The following TAF1B variants were observed in gnomAD, a reference collection of about 807,000 sequenced individuals.
TAF1B encodes the protein TATA box-binding protein-associated factor RNA polymerase I subunit B.
In TAF1B, 61 loss-of-function variants were observed where a neutral mutation model predicts 83.9. The observed-to-expected ratio is 0.73, with a 90% confidence interval of 0.59 to 0.90. The LOEUF is 0.90. TAF1B is among the 40% of genes least tolerant of loss of function. The probability of loss-of-function intolerance (pLI) is 0.00; values close to 1 mark genes in which losing one functional copy is unlikely to be tolerated. For synonymous variants in TAF1B, 221 were observed against 224.6 expected (o/e 0.98, Z 0.14); for missense variants, 625 against 677.0 (o/e 0.92, Z 0.85).
chr2:9,920,641 T>C (rs1325771009), intron 14 of TAF1B, among the ~76,000 whole-genome samples: 1 of 151,956 alleles, frequency 6.6e-6, no homozygotes, highest in Non-Finnish European at 1.5e-5. Context: ...CAAGGTGCTG[T>C]GTCGTTTTTC....
intron 13 of TAF1B, 57 bp downstream of exon 13, chr2:9,919,168 A>C: frequency 7.0e-7 from 1 of 1,430,494 alleles, no homozygotes; most frequent in Admixed American, 1.8e-5. Context: ...AGAAAAATTA[A>C]ATATCTGGAC....
chr2:9,889,696 T>C (rs1437611797), intron 8 of TAF1B, among the ~76,000 whole-genome samples: 1 of 152,202 alleles, frequency 6.6e-6, no homozygotes, highest in African/African-American at 2.4e-5. Context: ...TTTTTTGTTC[T>C]AGTGTATAAT....
chr2:9,861,778 T>G (rs1387649435), intron 5 of TAF1B, among the ~76,000 whole-genome samples: 1 of 152,232 alleles, frequency 6.6e-6, no homozygotes, highest in Non-Finnish European at 1.5e-5. Context: ...CAGCAGCATT[T>G]GCGGTTCACC....
intron 13 of TAF1B, 149 bp downstream of exon 13, chr2:9,919,260 T>G: frequency 1.5e-6 from 1 of 670,602 alleles, no homozygotes; most frequent in South Asian, 1.9e-5. Flanking sequence ...AGCATCATAC[T>G]CTGCAAGAAA....
chr2:9,920,043 G>T (rs1162982835), intron 14 of TAF1B, among the ~76,000 whole-genome samples: 3 of 152,216 alleles, frequency 2.0e-5, no homozygotes, highest in African/African-American at 7.2e-5. Flanking sequence ...TTAACCTGCA[G>T]TGTGGCAGGC....
chr2:9,850,759 C>T (rs1391553082), intron 3 of TAF1B, among the ~76,000 whole-genome samples: 1 of 152,170 alleles, frequency 6.6e-6, no homozygotes. Context: ...TTTCCTTCAG[C>T]TCGTAGTTGT....
intron 2 of TAF1B, among the ~76,000 whole-genome samples, chr2:9,848,496 G>C (rs1311867223): frequency 1.3e-5 from 2 of 151,976 alleles, no homozygotes; most frequent in East Asian, 3.9e-4. Context: ...GAGAAACCTC[G>C]TCTCTACTAA....
intron 12 of TAF1B, 68 bp downstream of exon 12, chr2:9,913,317 C>A: frequency 1.5e-6 from 2 of 1,322,968 alleles, no homozygotes; most frequent in Non-Finnish European, 2.2e-6. Flanking sequence ...CATTTGAAAG[C>A]TGAAGCTTCA....
intron 8 of TAF1B, among the ~76,000 whole-genome samples, chr2:9,887,770 A>AT (rs1452933630): frequency 2.0e-5 from 3 of 151,992 alleles, no homozygotes; most frequent in African/African-American, 7.2e-5. Flanking sequence ...CCATCTTGCT[A>AT]TTACATGTCT....
intron 6 of TAF1B, chr2:9,868,790 G>A (rs1363975878): frequency 4.5e-6 from 2 of 446,838 alleles, no homozygotes; most frequent in Non-Finnish European, 4.5e-6. Context: ...TAGTAAAATA[G>A]ACAAAGATGG....
At chr2:9,852,588 T>G (rs948679150) in intron 4 of TAF1B, among the ~76,000 whole-genome samples, 13 of 152,124 alleles carry the variant, frequency 8.5e-5, no homozygotes, top group African/African-American at 3.1e-4. Context: ...ACCTCCCGTG[T>G]TCAAGCAATT....
chr2:9,880,936 G>A (rs72782642), intron 7 of TAF1B, among the ~76,000 whole-genome samples: 4,580 of 152,056 alleles, frequency 0.03, 120 homozygotes, highest in Non-Finnish European at 0.047. Flanking sequence ...TCATATAAAC[G>A]AAATATACTA....
chr2:9,921,591 C>A (rs1207394391), intron 14 of TAF1B, among the ~76,000 whole-genome samples: 1 of 152,132 alleles, frequency 6.6e-6, no homozygotes, highest in African/African-American at 2.4e-5. Flanking sequence ...TTTTCCAAGT[C>A]CACTTGAAGA....
At chr2:9,859,070 A>G (rs978903437) in intron 5 of TAF1B, among the ~76,000 whole-genome samples, 1 of 152,176 alleles carries the variant, frequency 6.6e-6, no homozygotes, top group Non-Finnish European at 1.5e-5. Flanking sequence ...GAAATATTCC[A>G]AACTTCTATG....
At chr2:9,933,311 A>G (rs753604898) in intron 14 of TAF1B, among the ~76,000 whole-genome samples, 7 of 152,234 alleles carry the variant, frequency 4.6e-5, no homozygotes, top group Non-Finnish European at 1.0e-4. Context: ...CTATTTTAAA[A>G]TAATGGAAAT....
Position 9,843,578 on chromosome 2 carries a change from T to C in TAF1B, c.18+19T>C, listed in dbSNP as rs753831048. ...GGAGGCGGTAAGGAGGCGGTGCACC[T>C]GGCGGGCCACGATCGCCGGGGCCGG... On this transcript the variant is annotated intron_variant, in intron 1 of 14. Transcript: ENST00000263663. The C allele has an allele frequency of 4.0e-5, 61 of 1,507,324 alleles. No individual in the cohort carries two copies. The highest frequency in any genetic ancestry group is 5.3e-5 in the Non-Finnish European group (60 of 1,124,546). The allele number at this position is 1,507,324 out of a possible 1,614,324, so 93.4% of individuals were successfully genotyped here. A position where few individuals can be genotyped will look rare whatever the true frequency, so the allele number is the denominator to read the frequency against.
chr2:9,868,606 G>T (rs1558240348), intron 6 of TAF1B, 177 bp downstream of exon 6: 2 of 980,310 alleles, frequency 2.0e-6, no homozygotes, highest in Non-Finnish European at 3.2e-6. Flanking sequence ...AAATCTTAGC[G>T]CAATTTTTTA....
chr2:9,865,447 A>C (rs1663938495), intron 5 of TAF1B, among the ~76,000 whole-genome samples: 1 of 152,198 alleles, frequency 6.6e-6, no homozygotes, highest in Non-Finnish European at 1.5e-5. Context: ...AAGAGGATAC[A>C]AACAAATGGA....
chr2:9,843,471 A>G, upstream of TAF1B: 4 of 1,509,976 alleles, frequency 2.6e-6, no homozygotes, highest in African/African-American at 2.9e-5. Flanking sequence ...AAGCTTCTCC[A>G]GCCTTTCCCG....
Sources: allele counts gnomAD v4.1 joint callset (sites outside exome capture counted in the v4.1 genomes callset), GRCh38; gene constraint gnomAD v4.1.1; transcripts MANE v1.5; gene names NCBI Gene and HGNC (gene_info 2026-07-23, HGNC 2026-07-21).